The following PHKB variants were observed in gnomAD, a reference collection of about 807,000 sequenced individuals.
PHKB encodes phosphorylase kinase regulatory subunit beta.
PHKB carries 122 observed loss-of-function variants against 152.1 expected under a neutral mutation model. The observed-to-expected ratio is 0.80, with a 90% CI of 0.69 to 0.93. The LOEUF (loss-of-function observed/expected upper bound fraction) is 0.93, where lower values mean the gene tolerates loss of function less well. Among genes scored for constraint, PHKB ranks in the 40% least tolerant of loss-of-function variants. PHKB has a pLI of 0.00. For synonymous variants in PHKB, 436 were observed against 464.9 expected, an observed-to-expected ratio of 0.94 and a Z score of 0.80; for missense variants, 1,304 against 1,328.4, an observed-to-expected ratio of 0.98 and a Z score of 0.29.
intron 26 of PHKB, among the ~76,000 whole-genome samples, chr16:47,688,117 A>C (rs1231800872): frequency 1.3e-5 from 2 of 152,206 alleles, no homozygotes; most frequent in Non-Finnish European, 2.9e-5. Context: ...GAAAGGCAGC[A>C]TGGGTGAATA....
intron 7 of PHKB, among the ~76,000 whole-genome samples, chr16:47,563,897 GAGA>G (rs949466411): frequency 6.6e-6 from 1 of 151,962 alleles, no homozygotes; most frequent in Non-Finnish European, 1.5e-5. Flanking sequence ...ACTTGCAAGG[GAGA>G]AGATGTGGCA....
chr16:47,542,016 C>T (rs1971069078), intron 6 of PHKB, among the ~76,000 whole-genome samples: 1 of 152,104 alleles, frequency 6.6e-6, no homozygotes, highest in East Asian at 1.9e-4. Flanking sequence ...TACCATTTGT[C>T]TATTTTGGCT....
intron 8 of PHKB, among the ~76,000 whole-genome samples, chr16:47,581,099 C>T (rs1229382756): frequency 6.6e-6 from 1 of 151,888 alleles, no homozygotes; most frequent in East Asian, 1.9e-4. Context: ...AAAATTAATC[C>T]TAAGCTACTG....
intron 1 of PHKB, chr16:47,464,094 C>T (rs373793201): frequency 2.4e-6 from 2 of 839,104 alleles, no homozygotes; most frequent in East Asian, 2.5e-5. Flanking sequence ...TTTATTTCTT[C>T]TTTGGTGGGC....
At chr16:47,691,485 G>A (rs1004829828) in intron 27 of PHKB, among the ~76,000 whole-genome samples, 2 of 152,102 alleles carry the variant, frequency 1.3e-5, no homozygotes, top group Admixed American at 1.3e-4. Flanking sequence ...CAGGCAGATT[G>A]CTTGAGCCCA....
chr16:47,520,522 G>A (rs796750397), intron 6 of PHKB, among the ~76,000 whole-genome samples: 2 of 152,222 alleles, frequency 1.3e-5, no homozygotes, highest in South Asian at 4.1e-4. Context: ...TGCTGACAGT[G>A]AGTGTTAGAT....
chr16:47,523,888 A>G (rs1314831122), intron 6 of PHKB, among the ~76,000 whole-genome samples: 1 of 152,176 alleles, frequency 6.6e-6, no homozygotes, highest in Non-Finnish European at 1.5e-5. Context: ...CAGTTTACTA[A>G]GATGGTGATT....
rs766281725 is a variant in PHKB, at chr16:47,461,385, G to A, written c.35G>A (p.Ser12Asn). ...GCGGCGGGACTCACGGCAGAAGTGA[G>A]CTGGAAGGTCTTGGAGCGAAGAGCT... ...AGAAGLTAEV[S>N]WKVLERRART... is the part of the protein sequence containing the mutation. The change falls in exon 1 of 31, where the codon AGC (serine) becomes AAC (asparagine). Residue 12 changes from serine to asparagine, a missense_variant. Physicochemically the swap from Ser to Asn is conservative, Grantham distance 46. Transcript: ENST00000323584. 6.2e-7 allele frequency: 1 copy of A among 1,612,988 alleles called. No individual in the cohort carries two copies. Among genetic ancestry groups the A allele is most frequent in the Non-Finnish European group, 8.5e-7 (1 of 1,179,774 alleles).
At chr16:47,499,713 C>T (rs968998262) in intron 2 of PHKB, 43 bp from the exon 3 acceptor site, 4 of 1,612,056 alleles carry the variant, frequency 2.5e-6, no homozygotes, top group East Asian at 2.2e-5. Flanking sequence ...CAAGGAAAGT[C>T]GCTGACTGTA....
chr16:47,535,183 C>T (rs1332020888), intron 6 of PHKB, among the ~76,000 whole-genome samples: 2 of 152,198 alleles, frequency 1.3e-5, no homozygotes, highest in Non-Finnish European at 2.9e-5. Context: ...CACTTACCTT[C>T]ATTAAGACAA....
At chr16:47,566,586 G>A (rs1597090855) in intron 7 of PHKB, 3 of 1,519,558 alleles carry the variant, frequency 2.0e-6, no homozygotes, top group Middle Eastern at 2.4e-4. Flanking sequence ...CACATCATAG[G>A]GTAGGTTCCC....
At chr16:47,550,142 C>T (rs1971246043) in intron 7 of PHKB, among the ~76,000 whole-genome samples, 1 of 152,148 alleles carries the variant, frequency 6.6e-6, no homozygotes, top group Admixed American at 6.5e-5. Flanking sequence ...GAATCTATCA[C>T]CTCTGATGTC....
intron 23 of PHKB, among the ~76,000 whole-genome samples, chr16:47,662,242 A>C (rs1455843931): frequency 2.6e-5 from 4 of 152,208 alleles, no homozygotes; most frequent in Non-Finnish European, 5.9e-5. Flanking sequence ...TTGTGCTCTG[A>C]AGATGGTTAA....
At chr16:47,692,363 C>A (rs1221939658) in intron 27 of PHKB, among the ~76,000 whole-genome samples, 2 of 152,100 alleles carry the variant, frequency 1.3e-5, no homozygotes, top group African/African-American at 4.8e-5. Context: ...TGCCTATAAT[C>A]CCAGCACTTT....
At chr16:47,598,762 ATCACC>A (rs1290894578) in intron 13 of PHKB, 1 of 1,586,740 alleles carries the variant, frequency 6.3e-7, no homozygotes, top group Non-Finnish European at 8.6e-7. Flanking sequence ...AGCCTAAAGA[ATCACC>A]TCTTCTAATT....
intron 8 of PHKB, among the ~76,000 whole-genome samples, chr16:47,583,396 A>C (rs1024426607): frequency 3.3e-5 from 5 of 152,212 alleles, no homozygotes; most frequent in African/African-American, 9.6e-5. Context: ...ATCTAATTAA[A>C]AGTCAGTTGC....
At chr16:47,530,114 T>G (rs1970835500) in intron 6 of PHKB, among the ~76,000 whole-genome samples, 1 of 150,448 alleles carries the variant, frequency 6.6e-6, no homozygotes, top group Admixed American at 6.6e-5. Context: ...GAAAAGGAGA[T>G]ACTGATTATA....
chr16:47,688,248 G>T (rs1390742755), intron 26 of PHKB, among the ~76,000 whole-genome samples: 1 of 152,138 alleles, frequency 6.6e-6, no homozygotes, highest in African/African-American at 2.4e-5. Flanking sequence ...TTTTCCTAAT[G>T]GTGTGTAAAT....
At chr16:47,519,369 A>G (rs1410298524) in intron 6 of PHKB, among the ~76,000 whole-genome samples, 1 of 152,226 alleles carries the variant, frequency 6.6e-6, no homozygotes, top group East Asian at 1.9e-4. Context: ...GGGTCAGGAA[A>G]TATGGGAGCA....
Sources: gnomAD v4.1 joint callset for allele counts (sites outside exome capture counted in the v4.1 genomes callset) on GRCh38, gnomAD v4.1.1 for gene constraint, MANE v1.5 for transcripts, NCBI Gene and HGNC (gene_info 2026-07-23, HGNC 2026-07-21) for gene names.